The following CNTNAP4 variants were observed in gnomAD, a reference collection of about 807,000 sequenced individuals.
CNTNAP4 encodes the protein contactin-associated protein-like 4.
Under a neutral mutation model 148.4 loss-of-function variants are expected in CNTNAP4, and 98 were observed. The ratio of observed to expected loss-of-function variants is 0.66; its 90% CI spans 0.56 to 0.78. The LOEUF is 0.78. Among genes scored for constraint, CNTNAP4 ranks in the 30% least tolerant of loss-of-function variants. CNTNAP4 has a pLI of 0.00. For synonymous variants in CNTNAP4, 730 were observed against 565.1 expected, an observed-to-expected ratio of 1.29 and a Z score of -4.14; for missense variants, 1,935 against 1,565.6, an observed-to-expected ratio of 1.24 and a Z score of -3.98.
chr16:76,284,695 C>T (rs1429888519), intron 1 of CNTNAP4, among the ~76,000 whole-genome samples: 1 of 151,976 alleles, frequency 6.6e-6, no homozygotes, highest in Non-Finnish European at 1.5e-5. Context: ...AAGAGTTTAA[C>T]ACTTAAATTT....
chr16:76,515,474 T>C (rs1340335466), intron 15 of CNTNAP4, among the ~76,000 whole-genome samples: 4 of 152,012 alleles, frequency 2.6e-5, no homozygotes, highest in East Asian at 1.9e-4. Context: ...CCATGTAAGG[T>C]CACAGGATGA....
At chr16:76,472,717 C>T (rs146591371) in intron 10 of CNTNAP4, among the ~76,000 whole-genome samples, 2 of 152,122 alleles carry the variant, frequency 1.3e-5, no homozygotes, top group African/African-American at 2.4e-5. Context: ...GCAATGAATA[C>T]GACATGTTCT....
At chr16:76,542,305 A>T (rs1375619551) in intron 21 of CNTNAP4, among the ~76,000 whole-genome samples, 1 of 152,216 alleles carries the variant, frequency 6.6e-6, no homozygotes, top group Non-Finnish European at 1.5e-5. Flanking sequence ...GTATGTAACT[A>T]TCTAGCTCTG....
chr16:76,429,873 C>G (rs1409985472), intron 4 of CNTNAP4, among the ~76,000 whole-genome samples: 1 of 152,122 alleles, frequency 6.6e-6, no homozygotes, highest in Non-Finnish European at 1.5e-5. Context: ...GTACTGGAAG[C>G]CAGCAGGATT....
At chr16:76,320,715 A>T (rs368470125) in intron 2 of CNTNAP4, among the ~76,000 whole-genome samples, 21 of 152,274 alleles carry the variant, frequency 1.4e-4, no homozygotes, top group African/African-American at 4.8e-4. Flanking sequence ...TGGTTGTCTA[A>T]ATGTGTCCTT....
chr16:76,356,970 C>G (rs1200768538), intron 3 of CNTNAP4, among the ~76,000 whole-genome samples: 1 of 151,630 alleles, frequency 6.6e-6, no homozygotes, highest in African/African-American at 2.4e-5. Flanking sequence ...AAGAAGTTGC[C>G]TATAAGCAGT....
intron 12 of CNTNAP4, among the ~76,000 whole-genome samples, chr16:76,484,471 A>T (rs1391590099): frequency 5.3e-5 from 8 of 152,204 alleles, no homozygotes; most frequent in Non-Finnish European, 1.2e-4. Context: ...ATATTGGAAC[A>T]TATTCAAACA....
At chr16:76,517,032 C>T (rs1239109813) in intron 15 of CNTNAP4, among the ~76,000 whole-genome samples, 2 of 152,182 alleles carry the variant, frequency 1.3e-5, no homozygotes, top group Non-Finnish European at 2.9e-5. Context: ...CATTGCTTTC[C>T]ATCCTGGGTG....
At chr16:76,321,921 C>T (rs755578572) in intron 2 of CNTNAP4, among the ~76,000 whole-genome samples, 17 of 151,498 alleles carry the variant, frequency 1.1e-4, no homozygotes, top group Middle Eastern at 3.4e-3. Context: ...AAATCTCAAG[C>T]CTAGAGAAAG....
At chr16:76,350,812 T>C (rs1965305641) in intron 2 of CNTNAP4, among the ~76,000 whole-genome samples, 1 of 152,216 alleles carries the variant, frequency 6.6e-6, no homozygotes, top group South Asian at 2.1e-4. Context: ...CTTTTATTTT[T>C]AAATGTGAGT....
intron 9 of CNTNAP4, among the ~76,000 whole-genome samples, chr16:76,464,701 T>A (rs2081115844): frequency 6.6e-6 from 1 of 152,176 alleles, no homozygotes; most frequent in South Asian, 2.1e-4. Context: ...TTACCAGTCT[T>A]GACAGTGGCT....
chr16:76,377,817 C>T (rs1169063242), intron 3 of CNTNAP4, among the ~76,000 whole-genome samples: 1 of 152,116 alleles, frequency 6.6e-6, no homozygotes, highest in Non-Finnish European at 1.5e-5. Flanking sequence ...TTACTGACTC[C>T]ATGGAAATAT....
intron 21 of CNTNAP4, among the ~76,000 whole-genome samples, chr16:76,547,088 A>G (rs149169328): frequency 1.4e-3 from 216 of 152,336 alleles, no homozygotes; most frequent in African/African-American, 4.4e-3. Flanking sequence ...TTTGTTCACA[A>G]TGTACATAAA....
chr16:76,467,988 A>G (rs555925108), intron 10 of CNTNAP4, among the ~76,000 whole-genome samples: 1 of 152,240 alleles, frequency 6.6e-6, no homozygotes, highest in African/African-American at 2.4e-5. Context: ...ACTTCTCCTA[A>G]TGTGCCTTTT....
At chr16:76,425,298 C>T (rs182477623) in intron 3 of CNTNAP4, among the ~76,000 whole-genome samples, 1 of 152,254 alleles carries the variant, frequency 6.6e-6, no homozygotes, top group African/African-American at 2.4e-5. Context: ...TTGCAATTTG[C>T]ACATTAGCAC....
At chr16:76,318,544 A>G (rs1024214893) in intron 2 of CNTNAP4, among the ~76,000 whole-genome samples, 2 of 151,554 alleles carry the variant, frequency 1.3e-5, no homozygotes, top group African/African-American at 4.8e-5. Context: ...AACCTACTTG[A>G]TTACATTTTT....
At chr16:76,554,092 C>T (rs1348516979) in intron 23 of CNTNAP4, among the ~76,000 whole-genome samples, 185 bp downstream of exon 23, 1 of 152,216 alleles carries the variant, frequency 6.6e-6, no homozygotes, top group African/African-American at 2.4e-5. Flanking sequence ...GAATTCTCTG[C>T]TTCCTTGGAG....
intron 3 of CNTNAP4, among the ~76,000 whole-genome samples, chr16:76,375,935 T>G (rs143448411): frequency 5.8e-4 from 88 of 152,318 alleles, no homozygotes; most frequent in African/African-American, 2.0e-3. Context: ...CTCCATCTCA[T>G]GCAAGCTGTG....
At chr16:76,440,119 C>G (rs1044212432) in intron 4 of CNTNAP4, among the ~76,000 whole-genome samples, 7 of 152,086 alleles carry the variant, frequency 4.6e-5, no homozygotes, top group African/African-American at 1.7e-4. Context: ...TCATTTTTAA[C>G]TAAGAAGAGT....
Sources: gnomAD v4.1 joint callset for allele counts (sites outside exome capture counted in the v4.1 genomes callset) on GRCh38, gnomAD v4.1.1 for gene constraint, MANE v1.5 for transcripts, NCBI Gene and HGNC (gene_info 2026-07-23, HGNC 2026-07-21) for gene names.